KIF26B: variants seen among roughly 807,000 people sequenced by gnomAD.
The protein encoded by KIF26B is kinesin-like protein KIF26B.
Under a neutral mutation model 151.2 loss-of-function variants are expected in KIF26B, and 63 were observed. The observed-to-expected ratio is 0.42, with a 90% CI of 0.34 to 0.51. The LOEUF (loss-of-function observed/expected upper bound fraction) is 0.51. Among genes scored for constraint, KIF26B ranks in the 20% least tolerant of loss-of-function variants. The probability of loss-of-function intolerance (pLI) is 0.07; values close to 1 mark genes in which losing one functional copy is unlikely to be tolerated. For synonymous variants in KIF26B, 1,357 were observed against 1,262.1 expected, an observed-to-expected ratio of 1.08 and a Z score of -1.59; for missense variants, 2,813 against 2,913.6, an observed-to-expected ratio of 0.97 and a Z score of 0.79.
chr1:245,654,593 G>A (rs535522395), intron 10 of KIF26B, among the ~76,000 whole-genome samples: 14 of 152,276 alleles, frequency 9.2e-5, no homozygotes, highest in African/African-American at 2.9e-4. Flanking sequence ...TTCCCACGCC[G>A]CACTGATGGG....
At chr1:245,607,380 C>T (rs571973109) in intron 6 of KIF26B, among the ~76,000 whole-genome samples, 1 of 152,332 alleles carries the variant, frequency 6.6e-6, no homozygotes, top group South Asian at 2.1e-4. Flanking sequence ...CAGCCTGCTC[C>T]TGCCTGCTCT....
chr1:245,359,631 A>ATTCC (rs1307970919), intron 2 of KIF26B, among the ~76,000 whole-genome samples: 19 of 148,220 alleles, frequency 1.3e-4, no homozygotes, highest in African/African-American at 4.9e-4. Context: ...TATTATTTTG[A>ATTCC]TTCCTTCCTT....
At chr1:245,207,215 A>C (rs1027840857) in intron 2 of KIF26B, among the ~76,000 whole-genome samples, 15 of 152,218 alleles carry the variant, frequency 9.9e-5, no homozygotes, top group Non-Finnish European at 2.9e-5. Context: ...GAGCACTCAA[A>C]AAAGAGATTT....
At chr1:245,542,572 C>T (rs1661648640) in intron 5 of KIF26B, among the ~76,000 whole-genome samples, 1 of 152,180 alleles carries the variant, frequency 6.6e-6, no homozygotes, top group African/African-American at 2.4e-5. Context: ...CAGTGTGGAC[C>T]AGGACTCCTG....
intron 5 of KIF26B, among the ~76,000 whole-genome samples, chr1:245,574,632 T>C (rs1476123151): frequency 6.6e-6 from 1 of 152,070 alleles, no homozygotes; most frequent in Non-Finnish European, 1.5e-5. Context: ...CTCAAGTCCA[T>C]GGCAGGGCCG....
At chr1:245,463,716 G>A (rs573916696) in intron 4 of KIF26B, among the ~76,000 whole-genome samples, 1 of 152,282 alleles carries the variant, frequency 6.6e-6, no homozygotes, top group African/African-American at 2.4e-5. Flanking sequence ...ACCAAAGCCC[G>A]TCTGGATTGT....
chr1:245,310,046 G>A (rs1671637005), intron 2 of KIF26B, among the ~76,000 whole-genome samples: 1 of 146,930 alleles, frequency 6.8e-6, no homozygotes, highest in South Asian at 2.1e-4. Flanking sequence ...GGTACTAGTT[G>A]TAACATTATA....
At chr1:245,506,587 C>A (rs190088374) in intron 4 of KIF26B, among the ~76,000 whole-genome samples, 5 of 152,182 alleles carry the variant, frequency 3.3e-5, no homozygotes, top group African/African-American at 9.7e-5. Context: ...GTCACAGCAT[C>A]ATAGAATACT....
At chr1:245,256,781 T>A (rs76398103) in intron 2 of KIF26B, among the ~76,000 whole-genome samples, 2,062 of 152,290 alleles carry the variant, frequency 0.014, 39 homozygotes, top group African/African-American at 0.037. Context: ...CAAAGCGGAC[T>A]CTTTGTAGCA....
At position 245,699,020 on chromosome 1, in the gene KIF26B, A is replaced by G; in HGVS notation, c.6161A>G (p.Asn2054Ser). 1 of 1,613,826 alleles carries G rather than the reference A, an allele frequency of 6.2e-7. No homozygotes were observed. ...AAACAGTATCTGATGCTGGATCCCA[A>G]CAAGTGGCTCAGTGAATGTAAGGCC... ...ATKQYLMLDP[N>S]KWLSEFDLEQ... The change falls in exon 14 of 15, where the codon AAC (asparagine) becomes AGC (serine). Residue 2054 changes from asparagine (N) to serine (S), a missense_variant. Physicochemically the swap from Asn to Ser is conservative, Grantham distance 46. Around this residue, in one of 3 missense-constraint regions of KIF26B, gnomAD observed 2,060 missense variants for 2,088.6 expected, o/e 0.99. Coordinates refer to ENST00000407071, the MANE Select transcript of KIF26B (RefSeq NM_018012.4).
intron 5 of KIF26B, among the ~76,000 whole-genome samples, chr1:245,552,338 A>G (rs1396724972): frequency 6.6e-6 from 1 of 152,108 alleles, no homozygotes; most frequent in Non-Finnish European, 1.5e-5. Context: ...GGTTCTATTC[A>G]GGCCTTCAAC....
intron 4 of KIF26B, among the ~76,000 whole-genome samples, chr1:245,497,893 G>T (rs1660544098): frequency 6.6e-6 from 1 of 152,162 alleles, no homozygotes; most frequent in Non-Finnish European, 1.5e-5. Context: ...ACAGGCATGT[G>T]CCACCACACC....
At chr1:245,608,868 C>T (rs1057373848) in intron 7 of KIF26B, among the ~76,000 whole-genome samples, 1 of 152,110 alleles carries the variant, frequency 6.6e-6, no homozygotes, top group Non-Finnish European at 1.5e-5. Flanking sequence ...CCTCTCGCCT[C>T]AGCTTCCCAA....
Position 245,394,684 on chromosome 1 carries a change from C to CTTTTTTTTTTTT in KIF26B, c.1000-24892_1000-24891insTTTTTTTTTTTT, listed in dbSNP as rs1444711983. Among the ~76,000 whole-genome samples the CTTTTTTTTTTTT allele has an allele frequency of 1.8e-4, 22 of 124,398 alleles. 1 individual carries two copies. The highest frequency in any genetic ancestry group is 4.4e-4 in the African/African-American group (11 of 25,222). The allele number at this position is 124,398 out of a possible 152,430, so 81.6% of individuals were successfully genotyped here. On this transcript the variant is annotated intron_variant, in intron 3 of 14. Transcript: ENST00000407071. ...TTAAAAAGTACCTTCAAGTTTTTTTCTTTCTTTTTTTTTTTTTTTTTTTGA... is the reference window on the plus strand; with the variant it reads ...TTAAAAAGTACCTTCAAGTTTTTTTCTTTTTTTTTTTTTTTCTTTTTTTTTTTTTTTTTTTGA...
At chr1:245,628,505 A>T (rs1011377339) in intron 9 of KIF26B, among the ~76,000 whole-genome samples, 6 of 152,236 alleles carry the variant, frequency 3.9e-5, no homozygotes, top group Admixed American at 1.3e-4. Flanking sequence ...AGAACCAATG[A>T]CAAAAACCAC....
intron 2 of KIF26B, among the ~76,000 whole-genome samples, chr1:245,245,625 T>C (rs2103562207): frequency 6.6e-6 from 1 of 152,002 alleles, no homozygotes; most frequent in Non-Finnish European, 1.5e-5. Context: ...ACCCCATCTC[T>C]ACAAAAATAC....
rs57636731 is a variant in KIF26B, at chr1:245,562,588, G to GC, written c.1350+21646dup. On this transcript the variant is annotated intron_variant, in intron 5 of 14. Transcript: ENST00000407071. ...ACCTGTCCGCACGTGGCCAAGCCCC[G>GC]CCCCCCCCTTCCCCCATGCTCTTCT... Among the ~76,000 whole-genome samples, 304 of 135,576 alleles carry GC rather than the reference G, an allele frequency of 2.2e-3. 1 individual carries two copies. Among genetic ancestry groups the GC allele is most frequent in the African/African-American group, 6.1e-3 (224 of 36,930 alleles). 88.9% of individuals were successfully genotyped at this position (135,576 alleles called of 152,430 possible).
chr1:245,193,107 T>C (rs1669138005), intron 2 of KIF26B, among the ~76,000 whole-genome samples: 1 of 152,224 alleles, frequency 6.6e-6, no homozygotes, highest in African/African-American at 2.4e-5. Flanking sequence ...GTGTGCTCAT[T>C]GTTTAGCTCC....
intron 2 of KIF26B, among the ~76,000 whole-genome samples, chr1:245,350,475 C>T (rs1211509076): frequency 6.6e-6 from 1 of 152,148 alleles, no homozygotes; most frequent in East Asian, 1.9e-4. Flanking sequence ...TGATTCCAGT[C>T]TCATCCCAGT....
Sources: gnomAD v4.1 joint callset for allele counts (sites outside exome capture counted in the v4.1 genomes callset) on GRCh38, gnomAD v4.1.1 for gene constraint, gnomAD v4.1.1 regional missense constraint, MANE v1.5 for transcripts, NCBI Gene and HGNC (gene_info 2026-07-23, HGNC 2026-07-21) for gene names.